Variants in HMGN5 observed in about 807,000 individuals in gnomAD.
HMGN5 encodes high mobility group nucleosome-binding domain-containing protein 5.
Under a neutral mutation model 9.5 loss-of-function variants are expected in HMGN5, and 4 were observed. The observed-to-expected ratio is 0.42, with a 90% confidence interval of 0.21 to 0.96. The LOEUF (loss-of-function observed/expected upper bound fraction) is 0.96, where lower values mean the gene tolerates loss of function less well. HMGN5 is among the 40% of genes least tolerant of loss of function. The probability of loss-of-function intolerance (pLI) is 0.30; values close to 1 mark genes in which losing one functional copy is unlikely to be tolerated. For synonymous variants in HMGN5, 55 were observed against 57.1 expected (o/e 0.96, Z 0.16); for missense variants, 192 against 187.5 (o/e 1.02, Z -0.14).
At chrX:81,168,865 TGTC>T (rs1452390235) in intron 1 of HMGN5, among the ~76,000 whole-genome samples, 5 of 111,672 alleles carry the variant, frequency 4.5e-5, no homozygotes, top group African/African-American at 1.6e-4. Context: ...TGGATGAGGC[TGTC>T]TTTTGCCTAG....
chrX:81,139,745 A>C (rs2075322761), intron 1 of HMGN5, among the ~76,000 whole-genome samples: 1 of 111,910 alleles, frequency 8.9e-6, no homozygotes, highest in Non-Finnish European at 1.9e-5. Flanking sequence ...TATAGCAGAA[A>C]GGAGAACTGA....
At chrX:81,199,939 C>T (rs1383910888) in intron 1 of HMGN5, among the ~76,000 whole-genome samples, 3 of 111,774 alleles carry the variant, frequency 2.7e-5, no homozygotes, top group Non-Finnish European at 5.6e-5. Flanking sequence ...AGTGAACAGG[C>T]AACCTACAGA....
chrX:81,123,288 T>C (rs1330882825), intron 1 of HMGN5, among the ~76,000 whole-genome samples: 1 of 111,032 alleles, frequency 9.0e-6, no homozygotes, highest in African/African-American at 3.3e-5. Context: ...ATAGATCAGG[T>C]AGAATGAGCC....
chrX:81,144,440 A>G (rs190399066), intron 1 of HMGN5, among the ~76,000 whole-genome samples: 212 of 111,090 alleles, frequency 1.9e-3, no homozygotes, highest in Middle Eastern at 9.3e-3. Flanking sequence ...ACAAACAGAA[A>G]GGAATAGCAT....
Position 81,114,006 on chromosome X carries a change from A to G in HMGN5, c.*643T>C, listed in dbSNP as rs2075244655. 8.9e-6 allele frequency: 1 copy of G among 112,104 alleles called. No individual in the cohort carries two copies. Among genetic ancestry groups the G allele is most frequent in the Non-Finnish European group, 1.9e-5 (1 of 53,208 alleles). 9.2% of individuals were successfully genotyped at this position (112,104 alleles called of 1,213,427 possible). On this transcript the variant is annotated 3_prime_UTR_variant, in exon 7 of 7. Transcript: ENST00000358130. ...ATTAAATATTTTCATGAATAACACA[A>G]TAGAAAAAAATTAAGCACAATATTT...
chrX:81,184,557 G>T (rs1042406578), intron 1 of HMGN5, among the ~76,000 whole-genome samples: 1 of 103,495 alleles, frequency 9.7e-6, no homozygotes, highest in Non-Finnish European at 2.0e-5. Flanking sequence ...TCATTTTATT[G>T]ATTTTTTTTT....
At chrX:81,155,438 G>A (rs1039537625) in intron 1 of HMGN5, among the ~76,000 whole-genome samples, 2 of 109,181 alleles carry the variant, frequency 1.8e-5, no homozygotes, top group African/African-American at 6.7e-5. Flanking sequence ...TAAAACTTAT[G>A]TTCACACATA....
chrX:81,178,220 A>G (rs1420298996), intron 1 of HMGN5, among the ~76,000 whole-genome samples: 1 of 111,757 alleles, frequency 8.9e-6, no homozygotes, highest in Non-Finnish European at 1.9e-5. Flanking sequence ...AGATCAGAGC[A>G]GAATGGAAAG....
Position 81,114,760 on chromosome X carries a change from C to T in HMGN5, c.738G>A (p.Glu246=). Reference sequence around the variant, plus strand: ...CTTCTTTCTCTTTTCCAGCTTCTTCCTCATTTCCACCTTCATCTTCTTTTC... The same window carrying T: ...CTTCTTTCTCTTTTCCAGCTTCTTCTTCATTTCCACCTTCATCTTCTTTTC... ...EDGKEDEGGN[E]EEAGKEKEDL... is the part of the protein sequence containing the mutation. The change falls in exon 7 of 7, where the codon GAG becomes GAA. Residue 246 remains glutamate, a synonymous_variant. Coordinates refer to ENST00000358130, the MANE Select transcript of HMGN5 (RefSeq NM_030763.3). The T allele has an allele frequency of 8.6e-7, 1 of 1,160,931 alleles. No homozygotes were observed. Among genetic ancestry groups the T allele is most frequent in the Non-Finnish European group, 1.1e-6 (1 of 870,269 alleles).
At chrX:81,171,760 A>G (rs2075426390) in intron 1 of HMGN5, among the ~76,000 whole-genome samples, 1 of 111,229 alleles carries the variant, frequency 9.0e-6, no homozygotes, top group Non-Finnish European at 1.9e-5. Context: ...CTCTTTTTGT[A>G]CTTCATCTCA....
At chrX:81,174,027 C>A (rs766521742) in intron 1 of HMGN5, among the ~76,000 whole-genome samples, 2 of 111,151 alleles carry the variant, frequency 1.8e-5, no homozygotes, top group South Asian at 3.7e-4. Flanking sequence ...AAATTTTTTT[C>A]TGTAATTTCT....
chrX:81,138,619 C>A (rs762754467), intron 1 of HMGN5, among the ~76,000 whole-genome samples: 1 of 110,933 alleles, frequency 9.0e-6, no homozygotes, highest in East Asian at 2.8e-4. Context: ...TAACACTGTG[C>A]GGGAAGTTTT....
intron 1 of HMGN5, among the ~76,000 whole-genome samples, chrX:81,163,276 C>A (rs751086994): frequency 1.8e-5 from 2 of 112,180 alleles, no homozygotes; most frequent in South Asian, 3.7e-4. Context: ...CTAGCTGAGG[C>A]CCTAGACACT....
At chrX:81,159,380 C>A (rs1423928430) in intron 1 of HMGN5, among the ~76,000 whole-genome samples, 2 of 110,713 alleles carry the variant, frequency 1.8e-5, no homozygotes, top group African/African-American at 6.6e-5. Context: ...CACATGTACC[C>A]CAGAACTTCA....
intron 1 of HMGN5, among the ~76,000 whole-genome samples, chrX:81,168,510 G>T: frequency 9.0e-6 from 1 of 111,554 alleles, no homozygotes; most frequent in Non-Finnish European, 1.9e-5. Flanking sequence ...TAGCATGTGG[G>T]TAAGTGAAGT....
intron 1 of HMGN5, among the ~76,000 whole-genome samples, chrX:81,149,074 T>C (rs1209575484): frequency 9.0e-6 from 1 of 111,665 alleles, no homozygotes; most frequent in Admixed American, 9.5e-5. Flanking sequence ...GTGTGGCAAT[T>C]CCTCAAGGAT....
chrX:81,118,271 A>T (rs1023131976), intron 5 of HMGN5, among the ~76,000 whole-genome samples, 161 bp downstream of exon 5: 5 of 111,265 alleles, frequency 4.5e-5, no homozygotes, highest in African/African-American at 1.6e-4. Flanking sequence ...AGAACAAATA[A>T]TCCCCACCCA....
chrX:81,149,559 A>G (rs925506929), intron 1 of HMGN5, among the ~76,000 whole-genome samples: 1 of 111,803 alleles, frequency 8.9e-6, no homozygotes, highest in African/African-American at 3.3e-5. Flanking sequence ...ACCATGGCAC[A>G]TGTATACCTA....
At chrX:81,148,098 C>T (rs890810402) in intron 1 of HMGN5, among the ~76,000 whole-genome samples, 6 of 112,064 alleles carry the variant, frequency 5.4e-5, no homozygotes, top group Non-Finnish European at 9.4e-5. Flanking sequence ...CATCAAGCTA[C>T]CATTGACTTT....
Sources: gnomAD v4.1 joint callset for allele counts (sites outside exome capture counted in the v4.1 genomes callset) on GRCh38, gnomAD v4.1.1 for gene constraint, MANE v1.5 for transcripts, NCBI Gene and HGNC (gene_info 2026-07-23, HGNC 2026-07-21) for gene names.